The following CCDC60 variants were observed in gnomAD, a reference collection of about 807,000 sequenced individuals.
CCDC60 encodes the protein coiled-coil domain containing 60.
CCDC60 carries 54 observed loss-of-function variants against 63.5 expected under a neutral mutation model. That is an observed-to-expected ratio of 0.85 (90% CI 0.68 to 1.07). The LOEUF (loss-of-function observed/expected upper bound fraction) is 1.07. CCDC60 is among the 50% of genes least tolerant of loss of function. The pLI is 0.00. For missense variants in CCDC60, 651 were observed against 684.3 expected (o/e 0.95, Z 0.54); for synonymous variants, 206 against 238.8 (o/e 0.86, Z 1.27).
intron 1 of CCDC60, chr12:119,402,392 G>C (rs1956408151): frequency 6.6e-6 from 1 of 152,196 alleles, no homozygotes; most frequent in South Asian, 2.1e-4. Context: ...TGTGACGTTA[G>C]GAAAATTCTC....
intron 2 of CCDC60, among the ~76,000 whole-genome samples, chr12:119,461,696 C>G (rs927364420): frequency 2.0e-5 from 3 of 152,276 alleles, no homozygotes; most frequent in Non-Finnish European, 4.4e-5. Flanking sequence ...TACTCCCCAT[C>G]GTTCCTCTTG....
At chr12:119,418,316 C>G (rs2136212298) in intron 1 of CCDC60, among the ~76,000 whole-genome samples, 1 of 148,694 alleles carries the variant, frequency 6.7e-6, no homozygotes, top group African/African-American at 2.5e-5. Flanking sequence ...AGTCACAATA[C>G]AGTTAACACA....
At chr12:119,381,211 T>C (rs1956004925) in intron 1 of CCDC60, among the ~76,000 whole-genome samples, 1 of 152,216 alleles carries the variant, frequency 6.6e-6, no homozygotes, top group Admixed American at 6.5e-5. Flanking sequence ...AAATTAAGTG[T>C]ATTTCCTACA....
At chr12:119,376,550 C>A (rs1386386926) in intron 1 of CCDC60, among the ~76,000 whole-genome samples, 4 of 152,054 alleles carry the variant, frequency 2.6e-5, no homozygotes, top group Non-Finnish European at 4.4e-5. Context: ...ATCGCTTGAA[C>A]CTAGGAAATG....
At chr12:119,489,007 C>T in intron 5 of CCDC60, 141 bp downstream of exon 5, 1 of 712,594 alleles carries the variant, frequency 1.4e-6, no homozygotes, top group Non-Finnish European at 2.5e-6. Flanking sequence ...TCTGTGGGAT[C>T]TGAACAGGGG....
At chr12:119,389,034 T>A (rs547105352) in intron 1 of CCDC60, among the ~76,000 whole-genome samples, 1 of 152,300 alleles carries the variant, frequency 6.6e-6, no homozygotes, top group South Asian at 2.1e-4. Flanking sequence ...TATAAAATAG[T>A]CCCCTTTCTT....
chr12:119,473,932 AT>A (rs1951120847), intron 3 of CCDC60, among the ~76,000 whole-genome samples: 1 of 152,220 alleles, frequency 6.6e-6, no homozygotes, highest in African/African-American at 2.4e-5. Context: ...ATAAACATGC[AT>A]GTGCAAGTGT....
chr12:119,500,122 A>G lies in CCDC60; in HGVS notation c.602A>G (p.Asp201Gly). The change falls in exon 6 of 14, where the codon GAC becomes GGC. Residue 201 changes from aspartate to glycine, a missense_variant. Coordinates refer to ENST00000327554, the MANE Select transcript of CCDC60 (RefSeq NM_178499.5). Reference sequence around the variant, plus strand: ...AGCACCATTAAAAAAATCAATAAGGACAAGTCCATGGGACAGAAATGGGAG... The same window carrying G: ...AGCACCATTAAAAAAATCAATAAGGGCAAGTCCATGGGACAGAAATGGGAG... ...SKSTIKKINK[D>G]KSMGQKWEHF... is the part of the protein sequence containing the mutation. 6.2e-7 allele frequency: 1 copy of G among 1,612,468 alleles called. No individual in the cohort carries two copies.
At chr12:119,476,625 C>G (rs998337634) in intron 3 of CCDC60, among the ~76,000 whole-genome samples, 1 of 152,182 alleles carries the variant, frequency 6.6e-6, no homozygotes. Context: ...GTGATCTTTT[C>G]AAAATATAAA....
At chr12:119,464,648 G>A (rs1198036264) in intron 2 of CCDC60, among the ~76,000 whole-genome samples, 1 of 152,114 alleles carries the variant, frequency 6.6e-6, no homozygotes, top group African/African-American at 2.4e-5. Flanking sequence ...TTGGAAATTA[G>A]CCACAAGAGC....
At chr12:119,539,764 C>A (rs1285897246) in intron 13 of CCDC60, among the ~76,000 whole-genome samples, 1 of 152,212 alleles carries the variant, frequency 6.6e-6, no homozygotes, top group African/African-American at 2.4e-5. Flanking sequence ...TTGGTGTCTG[C>A]CCAAATGGCC....
intron 1 of CCDC60, among the ~76,000 whole-genome samples, chr12:119,362,970 T>C (rs1257911840): frequency 6.6e-6 from 1 of 152,166 alleles, no homozygotes; most frequent in Non-Finnish European, 1.5e-5. Flanking sequence ...TGGTGGCACA[T>C]GCCTGTAATC....
intron 2 of CCDC60, among the ~76,000 whole-genome samples, chr12:119,441,758 T>C (rs1246269173): frequency 6.6e-6 from 1 of 152,242 alleles, no homozygotes; most frequent in African/African-American, 2.4e-5. Flanking sequence ...TAGTATTTAT[T>C]GCGTGAGGAT....
intron 4 of CCDC60, among the ~76,000 whole-genome samples, chr12:119,484,836 G>C (rs565368014): frequency 5.0e-4 from 76 of 152,322 alleles, no homozygotes; most frequent in African/African-American, 1.8e-3. Context: ...ACTCTGTGCA[G>C]AGCACAGAGC....
chr12:119,485,601 C>T (rs774085171), intron 4 of CCDC60, among the ~76,000 whole-genome samples: 1 of 152,092 alleles, frequency 6.6e-6, no homozygotes, highest in Non-Finnish European at 1.5e-5. Flanking sequence ...TCTCAGTGCT[C>T]GCAGCCCTGG....
At chr12:119,533,223 G>T (rs1368811643) in intron 13 of CCDC60, among the ~76,000 whole-genome samples, 1 of 152,160 alleles carries the variant, frequency 6.6e-6, no homozygotes, top group East Asian at 1.9e-4. Context: ...CTTCTTTTGA[G>T]AAGTGTCTAT....
At chr12:119,350,598 G>T (rs1429242096) in intron 1 of CCDC60, among the ~76,000 whole-genome samples, 1 of 152,132 alleles carries the variant, frequency 6.6e-6, no homozygotes, top group East Asian at 1.9e-4. Context: ...GCTCTTATCA[G>T]CACTGCCATA....
intron 1 of CCDC60, among the ~76,000 whole-genome samples, chr12:119,416,030 T>C (rs1002482890): frequency 6.6e-6 from 1 of 152,058 alleles, no homozygotes; most frequent in Non-Finnish European, 1.5e-5. Flanking sequence ...AGATACTGGG[T>C]TTCCTTTCCA....
chr12:119,527,887 T>C (rs1356769745), intron 11 of CCDC60, among the ~76,000 whole-genome samples: 1 of 151,674 alleles, frequency 6.6e-6, no homozygotes, highest in East Asian at 1.9e-4. Context: ...TTCACCATGT[T>C]AGCCAGGATG....
Sources: gnomAD v4.1 joint callset for allele counts (sites outside exome capture counted in the v4.1 genomes callset) on GRCh38, gnomAD v4.1.1 for gene constraint, MANE v1.5 for transcripts, NCBI Gene and HGNC (gene_info 2026-07-23, HGNC 2026-07-21) for gene names.